The following EPB41L4B variants were observed in gnomAD, a reference collection of about 807,000 sequenced individuals.
EPB41L4B encodes erythrocyte membrane protein band 4.1 like 4B.
In EPB41L4B, 30 loss-of-function variants were observed where a neutral mutation model predicts 112.5. The ratio of observed to expected loss-of-function variants is 0.27; its 90% CI spans 0.20 to 0.36. EPB41L4B has a LOEUF of 0.36. EPB41L4B is among the 10% of genes least tolerant of loss of function. EPB41L4B has a pLI of 1.00. For synonymous variants in EPB41L4B, 408 were observed against 439.7 expected (o/e 0.93, Z 0.90); for missense variants, 1,024 against 1,133.3 (o/e 0.90, Z 1.38).
At chr9:109,182,622 C>T (rs776634855) in intron 24 of EPB41L4B, 107 bp downstream of exon 24, 6 of 799,036 alleles carry the variant, frequency 7.5e-6, no homozygotes, top group African/African-American at 3.4e-5. Context: ...CAGAGTTCAA[C>T]GGTGATCAAA....
chr9:109,317,110 AC>A (rs1305847082), intron 1 of EPB41L4B, among the ~76,000 whole-genome samples: 5 of 152,146 alleles, frequency 3.3e-5, no homozygotes, highest in Admixed American at 1.3e-4. Flanking sequence ...TATCCAAAAA[AC>A]AAAACAAAAA....
rs747369406 is a variant in EPB41L4B, at chr9:109,255,650, G to A, written c.1030C>T (p.Arg344Trp). The A allele has an allele frequency of 6.8e-6, 11 of 1,613,420 alleles. No individual in the cohort carries two copies. Among genetic ancestry groups the A allele is most frequent in the Middle Eastern group, 1.7e-4 (1 of 6,052 alleles). The change falls in exon 11 of 26, where the codon CGG (arginine) becomes TGG (tryptophan). Residue 344 changes from arginine (R) to tryptophan (W), a missense_variant. Arg to Trp is a moderately radical substitution (Grantham distance 101). Transcript: ENST00000374566. ...GREQEHTFVF[R>W]LDSARTCKHL... is the part of the protein sequence containing the mutation. ...TTGCAGGTCCTGGCACTGTCTAACC[G>A]GAACACAAACGTGTGCTCTTGCTCA...
intron 22 of EPB41L4B, among the ~76,000 whole-genome samples, chr9:109,186,199 CT>C (rs374188259): frequency 2.3e-3 from 337 of 145,054 alleles, no homozygotes; most frequent in Non-Finnish European, 2.8e-3. Flanking sequence ...TTTCATTTCC[CT>C]TTTTTTTTTT....
At chr9:109,241,105 T>C (rs111537593) in intron 15 of EPB41L4B, 14 of 985,626 alleles carry the variant, frequency 1.4e-5, no homozygotes, top group Non-Finnish European at 1.7e-5. Flanking sequence ...AAAATTAGTT[T>C]GAATGTATGT....
chr9:109,241,489 T>C, intron 15 of EPB41L4B: 2 of 1,393,776 alleles, frequency 1.4e-6, no homozygotes, highest in South Asian at 3.6e-5. Flanking sequence ...CAGTAAATTA[T>C]GACAAGCTAT....
intron 24 of EPB41L4B, among the ~76,000 whole-genome samples, chr9:109,177,321 G>A (rs1831878041): frequency 1.3e-5 from 2 of 152,050 alleles, no homozygotes; most frequent in African/African-American, 4.8e-5. Context: ...AAGACCACTG[G>A]GACCCAAGAA....
intron 1 of EPB41L4B, among the ~76,000 whole-genome samples, chr9:109,300,659 G>A (rs575412460): frequency 6.1e-4 from 93 of 152,086 alleles, no homozygotes; most frequent in African/African-American, 2.1e-3. Context: ...GGTGATGGGC[G>A]CCCATAATCC....
intron 21 of EPB41L4B, among the ~76,000 whole-genome samples, chr9:109,193,564 A>T (rs1172192067): frequency 6.6e-6 from 1 of 152,224 alleles, no homozygotes; most frequent in Non-Finnish European, 1.5e-5. Context: ...TGCCTCCTGC[A>T]CGCACCTTTT....
At chr9:109,275,238 C>T (rs1037194775) in intron 2 of EPB41L4B, among the ~76,000 whole-genome samples, 10 of 152,210 alleles carry the variant, frequency 6.6e-5, no homozygotes, top group African/African-American at 1.4e-4. Context: ...ATGCAGAGAG[C>T]CATGCCAAGA....
At chr9:109,270,019 G>T (rs1835554113) in intron 2 of EPB41L4B, among the ~76,000 whole-genome samples, 1 of 152,220 alleles carries the variant, frequency 6.6e-6, no homozygotes, top group African/African-American at 2.4e-5. Flanking sequence ...TCCAGGCTAG[G>T]CAGCCATGTA....
intron 1 of EPB41L4B, among the ~76,000 whole-genome samples, chr9:109,301,596 G>A (rs960634237): frequency 1.3e-5 from 2 of 152,138 alleles, no homozygotes; most frequent in South Asian, 2.1e-4. Flanking sequence ...ACAGCTGCGT[G>A]TACATGGAAT....
chr9:109,299,742 C>T (rs1025940310), intron 1 of EPB41L4B, among the ~76,000 whole-genome samples: 1 of 150,486 alleles, frequency 6.6e-6, no homozygotes, highest in Admixed American at 6.6e-5. Flanking sequence ...CTCCTCACCC[C>T]TCGCAAAGTT....
chr9:109,276,879 T>C (rs572310466), intron 2 of EPB41L4B, among the ~76,000 whole-genome samples: 2 of 152,298 alleles, frequency 1.3e-5, no homozygotes, highest in South Asian at 4.1e-4. Flanking sequence ...CCTTTCTAAC[T>C]AGAGAACGCA....
chr9:109,286,586 G>C (rs4307414), intron 1 of EPB41L4B, among the ~76,000 whole-genome samples: 1 of 152,144 alleles, frequency 6.6e-6, no homozygotes, highest in African/African-American at 2.4e-5. Context: ...CTCCCTCTCT[G>C]TGACGAATTC....
At chr9:109,177,831 A>G (rs1831899314) in intron 24 of EPB41L4B, among the ~76,000 whole-genome samples, 1 of 151,866 alleles carries the variant, frequency 6.6e-6, no homozygotes, top group African/African-American at 2.4e-5. Context: ...AAAAAAAAAA[A>G]AAAGTAGATC....
chr9:109,253,536 T>C lies in EPB41L4B; in HGVS notation c.1184A>G (p.Tyr395Cys), dbSNP rs1834872420. The change falls in exon 12 of 26, where the codon TAT (tyrosine) becomes TGT (cysteine). Residue 395 changes from tyrosine to cysteine, a missense_variant. Coordinates refer to ENST00000374566, the MANE Select transcript of EPB41L4B (RefSeq NM_019114.5). Reference sequence around the variant, plus strand: ...TAACCTGGAGCCATGTGTAGCTTGATATTCTGTCCGCCCACTGGGAAGTAA... The same window carrying C: ...TAACCTGGAGCCATGTGTAGCTTGACATTCTGTCCGCCCACTGGGAAGTAA... ...SRFRFSGRTEYQATHGSRLRR... is the reference protein window; with the variant it reads ...SRFRFSGRTECQATHGSRLRR... 1.2e-6 allele frequency: 2 copies of C among 1,611,870 alleles called. No homozygotes were observed. Among genetic ancestry groups the C allele is most frequent in the Non-Finnish European group, 1.7e-6 (2 of 1,178,000 alleles).
At chr9:109,184,599 G>GA (rs1360600021) in intron 23 of EPB41L4B, among the ~76,000 whole-genome samples, 1 of 152,230 alleles carries the variant, frequency 6.6e-6, no homozygotes, top group Non-Finnish European at 1.5e-5. Flanking sequence ...CTGTAAATTA[G>GA]AAAAATAGAT....
chr9:109,273,540 C>T (rs569867002), intron 2 of EPB41L4B, among the ~76,000 whole-genome samples: 7 of 152,292 alleles, frequency 4.6e-5, no homozygotes, highest in African/African-American at 1.7e-4. Context: ...AGCCACCACA[C>T]CACGCCCTGT....
chr9:109,247,671 T>C, intron 14 of EPB41L4B, 85 bp downstream of exon 14: 1 of 981,268 alleles, frequency 1.0e-6, no homozygotes. Context: ...TATGGAAAAT[T>C]TAGAAACTTT....
Sources: allele counts gnomAD v4.1 joint callset (sites outside exome capture counted in the v4.1 genomes callset), GRCh38; gene constraint gnomAD v4.1.1; transcripts MANE v1.5; gene names NCBI Gene and HGNC (gene_info 2026-07-23, HGNC 2026-07-21).